The following SLIT3 variants were observed in gnomAD, a reference collection of about 807,000 sequenced individuals.
SLIT3 encodes the protein slit guidance ligand 3, also known as slit homolog 3 protein.
Under a neutral mutation model 184.0 loss-of-function variants are expected in SLIT3, and 68 were observed. The observed-to-expected ratio is 0.37, with a 90% CI of 0.30 to 0.45. The LOEUF is 0.45. Among genes scored for constraint, SLIT3 ranks in the 20% least tolerant of loss-of-function variants. The pLI, the probability that SLIT3 is intolerant of heterozygous loss-of-function variation, is 1.00. For synonymous variants in SLIT3, 831 were observed against 828.6 expected (o/e 1.00, Z -0.05); for missense variants, 1,707 against 2,026.0 (o/e 0.84, Z 3.02).
At chr5:168,898,092 A>G (rs1349115189) in intron 4 of SLIT3, among the ~76,000 whole-genome samples, 1 of 152,274 alleles carries the variant, frequency 6.6e-6, no homozygotes, top group Non-Finnish European at 1.5e-5. Context: ...TAAAAGCTCC[A>G]TAAAATTTCA....
chr5:168,780,399 T>C (rs535556956), intron 12 of SLIT3, among the ~76,000 whole-genome samples: 1 of 152,356 alleles, frequency 6.6e-6, no homozygotes, highest in East Asian at 1.9e-4. Flanking sequence ...CTTCTTTTCC[T>C]AAAACAGGGA....
At chr5:168,995,838 A>C (rs1418371398) in intron 4 of SLIT3, among the ~76,000 whole-genome samples, 1 of 152,190 alleles carries the variant, frequency 6.6e-6, no homozygotes, top group African/African-American at 2.4e-5. Flanking sequence ...CAAGGCCAGC[A>C]GCCTTGGACA....
intron 3 of SLIT3, among the ~76,000 whole-genome samples, chr5:169,199,758 T>C (rs1287767150): frequency 1.3e-5 from 2 of 152,228 alleles, no homozygotes; most frequent in African/African-American, 4.8e-5. Context: ...TGCTCTTACC[T>C]ACTATGTGTA....
intron 4 of SLIT3, among the ~76,000 whole-genome samples, chr5:169,167,185 A>G (rs1367005957): frequency 1.3e-5 from 2 of 148,924 alleles, no homozygotes; most frequent in Non-Finnish European, 3.0e-5. Context: ...AACAAAAACA[A>G]AAACAAAACA....
At chr5:169,134,412 C>T (rs1032763723) in intron 4 of SLIT3, among the ~76,000 whole-genome samples, 6 of 152,144 alleles carry the variant, frequency 3.9e-5, no homozygotes, top group Non-Finnish European at 7.3e-5. Flanking sequence ...CTTGCTGCTC[C>T]CTTTGCCCAA....
At chr5:168,963,823 A>T (rs1429212732) in intron 4 of SLIT3, among the ~76,000 whole-genome samples, 2 of 152,190 alleles carry the variant, frequency 1.3e-5, no homozygotes, top group African/African-American at 2.4e-5. Context: ...GGCTTTATAT[A>T]AGGCTTGCCT....
intron 4 of SLIT3, among the ~76,000 whole-genome samples, chr5:169,075,418 G>T (rs747174682): frequency 2.5e-4 from 38 of 152,282 alleles, no homozygotes; most frequent in Non-Finnish European, 4.4e-4. Flanking sequence ...GGTGTGTTTT[G>T]GTGCTGTGGT....
At chr5:169,056,354 A>T (rs1308973308) in intron 4 of SLIT3, among the ~76,000 whole-genome samples, 1 of 152,200 alleles carries the variant, frequency 6.6e-6, no homozygotes, top group Non-Finnish European at 1.5e-5. Context: ...CTCAATTATT[A>T]TGCCAGTTTT....
In SLIT3 at chr5:168,760,917, C is replaced by T; in HGVS notation, c.1630G>A (p.Val544Ile). Residue 544 changes from valine to isoleucine, a missense_variant, in exon 16 of 36, where the codon GTA (valine) becomes ATA (isoleucine). Physicochemically the swap from Val to Ile is conservative, Grantham distance 29 (BLOSUM62 3). Around this residue, in one of 3 missense-constraint regions of SLIT3, gnomAD observed 1,307 missense variants for 1,511.6 expected, o/e 0.86. Transcript: ENST00000519560. ...ATGCCAGTGGCCTCCAGAACAGATA[C>T]CTCATTGTCATTCAGTCGCCTGTGT... is the stretch of plus-strand genomic sequence containing the variant. ...VTDLRLNDNE[V>I]SVLEATGIFK... 6.2e-7 allele frequency: 1 copy of T among 1,613,918 alleles called. No homozygotes were observed. Among genetic ancestry groups the T allele is most frequent in the Non-Finnish European group, 8.5e-7 (1 of 1,179,818 alleles).
intron 4 of SLIT3, among the ~76,000 whole-genome samples, chr5:169,003,016 T>C (rs1430091969): frequency 2.0e-5 from 3 of 152,186 alleles, no homozygotes; most frequent in South Asian, 4.1e-4. Flanking sequence ...CACTTATTCT[T>C]TGGGGGAAGG....
At chr5:169,150,617 G>A (rs1317017792) in intron 4 of SLIT3, among the ~76,000 whole-genome samples, 2 of 151,992 alleles carry the variant, frequency 1.3e-5, no homozygotes, top group Non-Finnish European at 2.9e-5. Context: ...AATCGCCCTG[G>A]CCCCTCTTTG....
intron 20 of SLIT3, among the ~76,000 whole-genome samples, chr5:168,734,737 T>G (rs895744321): frequency 1.3e-5 from 2 of 152,188 alleles, no homozygotes; most frequent in African/African-American, 2.4e-5. Flanking sequence ...ATCTTTCGTG[T>G]GATTCTGTGA....
rs1338999024 is a variant in SLIT3 at position 168,669,796 on chromosome 5, C to T, written c.4323G>A (p.Glu1441=). Residue 1441 remains glutamate, a synonymous_variant, in exon 35 of 36, where the codon GAG becomes GAA. Coordinates refer to ENST00000519560, the MANE Select transcript of SLIT3 (RefSeq NM_003062.4). The part of the protein sequence containing the change: ...YCLCQPGFSG[E]HCQQENPCLG... The stretch of plus-strand genomic sequence containing the variant: ...CAGTAGACCCACCTTGTTGGCAGTG[C>T]TCGCCGCTAAAGCCGGGCTGGCACA... The T allele has an allele frequency of 1.2e-6, 2 of 1,613,554 alleles. No homozygotes were observed. Among genetic ancestry groups the T allele is most frequent in the Admixed American group, 1.7e-5 (1 of 60,012 alleles).
intron 4 of SLIT3, among the ~76,000 whole-genome samples, chr5:169,033,301 A>G (rs1757109093): frequency 6.6e-6 from 1 of 152,160 alleles, no homozygotes; most frequent in African/African-American, 2.4e-5. Context: ...TTAGGGCTGA[A>G]TAATATTCCA....
chr5:169,251,192 C>T (rs921732219), intron 2 of SLIT3, among the ~76,000 whole-genome samples, 196 bp downstream of exon 2: 17 of 152,224 alleles, frequency 1.1e-4, no homozygotes, highest in Non-Finnish European at 5.9e-5. Flanking sequence ...ATCGATCTAG[C>T]TCAGCCAGCA....
At chr5:169,037,316 A>G (rs780684817) in intron 4 of SLIT3, among the ~76,000 whole-genome samples, 10 of 152,256 alleles carry the variant, frequency 6.6e-5, no homozygotes, top group Non-Finnish European at 8.8e-5. Flanking sequence ...AGCTCCTGGT[A>G]GACTAGGTTT....
At chr5:168,885,194 A>G (rs1230013479) in intron 4 of SLIT3, among the ~76,000 whole-genome samples, 1 of 152,200 alleles carries the variant, frequency 6.6e-6, no homozygotes, top group Non-Finnish European at 1.5e-5. Flanking sequence ...TTAGGCCCAC[A>G]AAACAAGGCT....
At chr5:169,047,006 T>C (rs1240724627) in intron 4 of SLIT3, among the ~76,000 whole-genome samples, 1 of 152,176 alleles carries the variant, frequency 6.6e-6, no homozygotes, top group Non-Finnish European at 1.5e-5. Context: ...CTGACATTAT[T>C]GTTACTGTCA....
chr5:169,154,955 G>T (rs1357446998), intron 4 of SLIT3, among the ~76,000 whole-genome samples: 1 of 152,134 alleles, frequency 6.6e-6, no homozygotes, highest in Non-Finnish European at 1.5e-5. Flanking sequence ...ACATCTCATG[G>T]TAAAAAGAAT....
Sources: allele counts gnomAD v4.1 joint callset (sites outside exome capture counted in the v4.1 genomes callset), GRCh38; gene constraint gnomAD v4.1.1; regional missense constraint gnomAD v4.1.1; transcripts MANE v1.5; gene names NCBI Gene and HGNC (gene_info 2026-07-23, HGNC 2026-07-21).